The following MYBL1 variants were observed in gnomAD, a reference collection of about 807,000 sequenced individuals.
The protein encoded by MYBL1 is MYB proto-oncogene like 1, also known as myb-related protein A.
In MYBL1, 17 loss-of-function variants were observed where a neutral mutation model predicts 96.3. The observed-to-expected ratio is 0.18, with a 90% CI of 0.12 to 0.26. The LOEUF is 0.26. Ranked by LOEUF, MYBL1 falls within the 10% of genes least tolerant of loss-of-function variation. The pLI, the probability that MYBL1 is intolerant of heterozygous loss-of-function variation, is 1.00. For synonymous variants in MYBL1, 282 were observed against 292.7 expected, an observed-to-expected ratio of 0.96 and a Z score of 0.37; for missense variants, 701 against 882.9, an observed-to-expected ratio of 0.79 and a Z score of 2.61.
At chr8:66,582,252 G>A (rs1809241324) in intron 8 of MYBL1, among the ~76,000 whole-genome samples, 1 of 152,000 alleles carries the variant, frequency 6.6e-6, no homozygotes, top group African/African-American at 2.4e-5. Flanking sequence ...TAGCTGAATG[G>A]ATTAAAAACA....
intron 12 of MYBL1, 53 bp downstream of exon 12, chr8:66,572,429 T>C: frequency 1.2e-6 from 1 of 827,118 alleles, no homozygotes; most frequent in Non-Finnish European, 1.9e-6. Flanking sequence ...AAATCATAAT[T>C]TGTGTTTTAT....
At chr8:66,611,634 G>T (rs541162203) in intron 1 of MYBL1, among the ~76,000 whole-genome samples, 25 of 152,286 alleles carry the variant, frequency 1.6e-4, no homozygotes, top group African/African-American at 6.0e-4. Flanking sequence ...TTTTAGAGGG[G>T]TCTGTGTACA....
At chr8:66,609,439 C>A (rs891839443) in intron 1 of MYBL1, among the ~76,000 whole-genome samples, 1 of 151,666 alleles carries the variant, frequency 6.6e-6, no homozygotes, top group Non-Finnish European at 1.5e-5. Context: ...AAAAAAAAAT[C>A]TTTATTATAC....
At chr8:66,597,003 C>A (rs1263732399) in intron 5 of MYBL1, among the ~76,000 whole-genome samples, 1 of 152,024 alleles carries the variant, frequency 6.6e-6, no homozygotes, top group Non-Finnish European at 1.5e-5. Flanking sequence ...AGATTCTTTT[C>A]CAACAGAGTT....
At position 66,566,058 on chromosome 8, in the gene MYBL1, C is replaced by T; in HGVS notation, c.2130+6G>A. 1.3e-6 allele frequency: 2 copies of T among 1,495,798 alleles called. No individual in the cohort carries two copies. The highest frequency in any genetic ancestry group is 1.8e-6 in the Non-Finnish European group (2 of 1,116,192). The allele number at this position is 1,495,798 out of a possible 1,614,324, so 92.7% of individuals were successfully genotyped here. A position where few individuals can be genotyped will look rare whatever the true frequency, so the allele number is the denominator to read the frequency against. Reference sequence around the variant, plus strand: ...AAAATCACTAAAGAAATTTATAAATCCATACCTGAAGATTCTTTTCCAATT... The same window carrying T: ...AAAATCACTAAAGAAATTTATAAATTCATACCTGAAGATTCTTTTCCAATT... On this transcript the variant is annotated splice_donor_region_variant and intron_variant, in intron 15 of 15. Transcript: ENST00000522677.
chr8:66,576,920 A>G (rs1001932919), intron 9 of MYBL1, among the ~76,000 whole-genome samples: 1 of 152,208 alleles, frequency 6.6e-6, no homozygotes, highest in African/African-American at 2.4e-5. Context: ...AGGCTGGTTC[A>G]ATATACGCAA....
At chr8:66,601,616 A>T in intron 3 of MYBL1, 82 bp downstream of exon 3, 1 of 746,544 alleles carries the variant, frequency 1.3e-6, no homozygotes, top group Non-Finnish European at 2.2e-6. Context: ...TAAAATATGT[A>T]GACACATTTT....
In MYBL1 at chr8:66,586,387, T is replaced by C. The variant is rs146546342; in HGVS notation, c.868-6021A>G. On this transcript the variant is annotated intron_variant, in intron 8 of 15. Coordinates refer to ENST00000522677, the MANE Select transcript of MYBL1 (RefSeq NM_001080416.4). Reference sequence around the variant, plus strand: ...ATAGGCAAATGAGCTGAACCAATATTTCTCAAAAGAAAACATACAAATGGA... The same window carrying C: ...ATAGGCAAATGAGCTGAACCAATATCTCTCAAAAGAAAACATACAAATGGA... Among the ~76,000 whole-genome samples, 617 of 152,214 alleles carry C rather than the reference T, an allele frequency of 4.1e-3. 5 individuals are homozygous for C. The highest frequency in any genetic ancestry group is 0.014 in the African/African-American group (572 of 41,530).
At chr8:66,605,398 G>A (rs1810272763) in intron 1 of MYBL1, among the ~76,000 whole-genome samples, 1 of 152,188 alleles carries the variant, frequency 6.6e-6, no homozygotes, top group Non-Finnish European at 1.5e-5. Flanking sequence ...GAGGGCACAG[G>A]ATGACCCAAG....
chr8:66,572,353 A>G (rs1258076078), intron 12 of MYBL1, 129 bp downstream of exon 12: 2 of 534,084 alleles, frequency 3.7e-6, no homozygotes, highest in African/African-American at 3.8e-5. Flanking sequence ...TTGAAAATCA[A>G]AAGATAAAGC....
intron 8 of MYBL1, among the ~76,000 whole-genome samples, chr8:66,590,028 C>T (rs1809575467): frequency 2.0e-5 from 3 of 152,164 alleles, no homozygotes; most frequent in South Asian, 2.1e-4. Context: ...GAGCCATGAT[C>T]GTACCACTGC....
intron 13 of MYBL1, 34 bp from the exon 14 acceptor site, chr8:66,566,822 C>T: frequency 6.3e-7 from 1 of 1,586,782 alleles, no homozygotes; most frequent in Non-Finnish European, 8.6e-7. Flanking sequence ...AGCTTTATGG[C>T]AAAGTCTCTT....
intron 3 of MYBL1, among the ~76,000 whole-genome samples, chr8:66,599,974 C>T (rs1471973866): frequency 6.6e-6 from 1 of 152,116 alleles, no homozygotes; most frequent in East Asian, 1.9e-4. Flanking sequence ...ATTACATAGT[C>T]TACATAGAAG....
chr8:66,581,775 G>C (rs1303683895), intron 8 of MYBL1, among the ~76,000 whole-genome samples: 1 of 152,112 alleles, frequency 6.6e-6, no homozygotes, highest in Non-Finnish European at 1.5e-5. Flanking sequence ...AAATCTTACA[G>C]GCCAGAAGAG....
chr8:66,569,021 T>C (rs947985844), intron 12 of MYBL1, among the ~76,000 whole-genome samples: 1 of 151,950 alleles, frequency 6.6e-6, no homozygotes, highest in Non-Finnish European at 1.5e-5. Flanking sequence ...TGAAACTCCA[T>C]CTCAAAAAAA....
chr8:66,598,364 G>A (rs1211334243), intron 4 of MYBL1, among the ~76,000 whole-genome samples: 1 of 152,156 alleles, frequency 6.6e-6, no homozygotes, highest in Non-Finnish European at 1.5e-5. Context: ...AGGAGTTCAA[G>A]ACCAGCCTGG....
intron 9 of MYBL1, among the ~76,000 whole-genome samples, chr8:66,577,424 T>C (rs1165626831): frequency 2.0e-5 from 3 of 149,108 alleles, no homozygotes; most frequent in Non-Finnish European, 3.0e-5. Context: ...AGCATTCTTA[T>C]ACACCAATAA....
Position 66,566,787 on chromosome 8 carries a change from T to C in MYBL1, c.1847A>G (p.Asn616Ser), listed in dbSNP as rs376774350. ...EPAYKSCKQE[N>S]TASGKKVRKS... ...TCTGACTTTCTTCCCAGAAGCGGTA[T>C]TCTAGAATGAGTAATTTATGTAGAA... Residue 616 changes from asparagine to serine, a missense_variant and splice_region_variant, in exon 14 of 16, where the codon AAT (asparagine) becomes AGT (serine). By Grantham distance (46) the Asn-to-Ser change is conservative. This residue lies in a region of MYBL1 where 63 missense variants were observed against 109.2 expected (regional missense o/e 0.58). Coordinates refer to ENST00000522677, the MANE Select transcript of MYBL1 (RefSeq NM_001080416.4). 8.7e-6 allele frequency: 14 copies of C among 1,605,068 alleles called. No individual in the cohort carries two copies. The highest frequency in any genetic ancestry group is 1.2e-5 in the Non-Finnish European group (14 of 1,172,978).
intron 2 of MYBL1, among the ~76,000 whole-genome samples, chr8:66,602,050 A>AT (rs938946090): frequency 2.6e-4 from 38 of 148,874 alleles, no homozygotes; most frequent in Admixed American, 1.5e-3. Flanking sequence ...CTATAGCAGC[A>AT]TTTTTTTTTT....
Sources: gnomAD v4.1 joint callset for allele counts (sites outside exome capture counted in the v4.1 genomes callset) on GRCh38, gnomAD v4.1.1 for gene constraint, gnomAD v4.1.1 regional missense constraint, MANE v1.5 for transcripts, NCBI Gene and HGNC (gene_info 2026-07-23, HGNC 2026-07-21) for gene names.